TTC29: variants seen among roughly 807,000 people sequenced by gnomAD.
The protein encoded by TTC29 is tetratricopeptide repeat protein 29.
In TTC29, 49 loss-of-function variants were observed where a neutral mutation model predicts 58.1. The ratio of observed to expected loss-of-function variants is 0.84; its 90% CI spans 0.67 to 1.07. The LOEUF is 1.07. Among genes scored for constraint, TTC29 ranks in the 50% least tolerant of loss-of-function variants. The pLI is 0.00. For synonymous variants in TTC29, 209 were observed against 196.8 expected (o/e 1.06, Z -0.52); for missense variants, 582 against 555.6 (o/e 1.05, Z -0.48).
At chr4:146,848,412 C>T (rs1340642981) in intron 8 of TTC29, among the ~76,000 whole-genome samples, 1 of 152,056 alleles carries the variant, frequency 6.6e-6, no homozygotes, top group Non-Finnish European at 1.5e-5. Flanking sequence ...GTTATTATTG[C>T]TATAGGTAGT....
intron 11 of TTC29, among the ~76,000 whole-genome samples, chr4:146,776,607 C>T (rs1294816517): frequency 6.6e-6 from 1 of 152,198 alleles, no homozygotes; most frequent in African/African-American, 2.4e-5. Flanking sequence ...ACTGGACCCC[C>T]AACTTTGTTC....
At chr4:146,796,344 A>T (rs1009067455) in intron 11 of TTC29, among the ~76,000 whole-genome samples, 101 of 152,300 alleles carry the variant, frequency 6.6e-4, no homozygotes, top group African/African-American at 2.4e-3. Context: ...GGAATCATAG[A>T]TTTAAAGAAC....
At chr4:146,859,722 G>T (rs1371800642) in intron 8 of TTC29, among the ~76,000 whole-genome samples, 2 of 152,040 alleles carry the variant, frequency 1.3e-5, no homozygotes, top group Non-Finnish European at 2.9e-5. Flanking sequence ...TGGAATACAG[G>T]GTGGGAGTTT....
intron 5 of TTC29, among the ~76,000 whole-genome samples, chr4:146,907,633 G>A (rs1260187140): frequency 6.6e-6 from 1 of 152,146 alleles, no homozygotes; most frequent in African/African-American, 2.4e-5. Flanking sequence ...GAGTAGCTGG[G>A]ATTACAGGCG....
At chr4:146,907,057 G>A (rs1233292441) in intron 5 of TTC29, among the ~76,000 whole-genome samples, 5 of 152,174 alleles carry the variant, frequency 3.3e-5, no homozygotes, top group Non-Finnish European at 5.9e-5. Context: ...GGAAGAAGGA[G>A]GTTGCAGTGA....
intron 7 of TTC29, among the ~76,000 whole-genome samples, chr4:146,871,030 G>A (rs1472981185): frequency 6.6e-6 from 1 of 151,718 alleles, no homozygotes; most frequent in Non-Finnish European, 1.5e-5. Flanking sequence ...GACATTACAA[G>A]AAAAGAAAAC....
chr4:146,931,640 A>G (rs1735343853), intron 4 of TTC29, among the ~76,000 whole-genome samples: 1 of 152,226 alleles, frequency 6.6e-6, no homozygotes, highest in Non-Finnish European at 1.5e-5. Flanking sequence ...GCTGCTAGTC[A>G]TGATTCCCAT....
At chr4:146,940,037 G>A (rs770305330) in intron 2 of TTC29, 136 bp from the exon 3 acceptor site, 112 of 773,706 alleles carry the variant, frequency 1.4e-4, no homozygotes, top group Non-Finnish European at 2.0e-4. Flanking sequence ...TGTGTTATTC[G>A]GGAATCATGC....
At chr4:146,741,634 C>T (rs997893054) in intron 11 of TTC29, among the ~76,000 whole-genome samples, 1 of 152,134 alleles carries the variant, frequency 6.6e-6, no homozygotes, top group Admixed American at 6.6e-5. Flanking sequence ...TCCAGTTCCT[C>T]CTCTACATTG....
chr4:146,742,172 TTTCCTCAC>T (rs1390076528), intron 11 of TTC29, among the ~76,000 whole-genome samples: 1 of 152,196 alleles, frequency 6.6e-6, no homozygotes, highest in East Asian at 1.9e-4. Flanking sequence ...TGGAGTCTTC[TTTCCTCAC>T]TTCCTTCTTT....
chr4:146,753,485 T>A (rs1259432823), intron 11 of TTC29, among the ~76,000 whole-genome samples: 4 of 152,164 alleles, frequency 2.6e-5, no homozygotes, highest in Non-Finnish European at 4.4e-5. Context: ...ATTGTGGAAT[T>A]CGGTGTGGCG....
In TTC29 at chr4:146,708,328, A is replaced by ACATGTATGTGTGTG. The variant is rs1406643090; in HGVS notation, c.1331-778_1331-777insCACACACATACATG. Among the ~76,000 whole-genome samples the ACATGTATGTGTGTG allele has an allele frequency of 3.3e-3, 158 of 47,528 alleles. 5 individuals carry two copies. Among genetic ancestry groups the ACATGTATGTGTGTG allele is most frequent in the Middle Eastern group, 9.6e-3 (1 of 104 alleles). 31.2% of individuals were successfully genotyped at this position (47,528 alleles called of 152,430 possible). A position where few individuals can be genotyped will look rare whatever the true frequency, so the allele number is the denominator to read the frequency against. ...GAAGTTTATATATATATATATATATATATATATATATATATATATATATAT... is the reference window on the plus strand; with the variant it reads ...GAAGTTTATATATATATATATATATACATGTATGTGTGTGTATATATATATATATATATATATAT... On this transcript the variant is annotated intron_variant, in intron 11 of 12. Coordinates refer to ENST00000325106, the MANE Select transcript of TTC29 (RefSeq NM_031956.4).
intron 8 of TTC29, among the ~76,000 whole-genome samples, chr4:146,851,084 A>G (rs956026530): frequency 3.3e-5 from 5 of 152,248 alleles, no homozygotes; most frequent in Admixed American, 3.3e-4. Flanking sequence ...CAGCTGTGGC[A>G]GCATGAATAG....
intron 7 of TTC29, among the ~76,000 whole-genome samples, chr4:146,873,282 A>G (rs1016635191): frequency 1.3e-5 from 2 of 152,152 alleles, no homozygotes; most frequent in South Asian, 4.1e-4. Flanking sequence ...ACCCTCTTTA[A>G]GAGCTCTGTA....
chr4:146,853,512 T>C (rs1271216406), intron 8 of TTC29, among the ~76,000 whole-genome samples: 1 of 152,190 alleles, frequency 6.6e-6, no homozygotes, highest in African/African-American at 2.4e-5. Context: ...GATATTACTT[T>C]ACATTTACTT....
At chr4:146,746,429 G>C (rs950991315) in intron 11 of TTC29, among the ~76,000 whole-genome samples, 10 of 152,160 alleles carry the variant, frequency 6.6e-5, no homozygotes, top group African/African-American at 2.4e-4. Context: ...TATGATGTTA[G>C]GTATTTGTAT....
chr4:146,863,651 A>T (rs887974146), intron 8 of TTC29, among the ~76,000 whole-genome samples: 1 of 152,302 alleles, frequency 6.6e-6, no homozygotes, highest in Admixed American at 6.5e-5. Flanking sequence ...ATTGTAAGGT[A>T]CTGGCTGCCG....
chr4:146,742,306 C>T (rs1745210684), intron 11 of TTC29, among the ~76,000 whole-genome samples: 1 of 152,116 alleles, frequency 6.6e-6, no homozygotes, highest in African/African-American at 2.4e-5. Flanking sequence ...TGCAAGCCAA[C>T]CACAAGCATT....
chr4:146,913,056 GAC>G (rs1178668064), intron 4 of TTC29, among the ~76,000 whole-genome samples: 2 of 152,076 alleles, frequency 1.3e-5, no homozygotes, highest in African/African-American at 4.8e-5. Context: ...AGCCTGAGGG[GAC>G]CTCCACGTGT....
Sources: gnomAD v4.1 joint callset for allele counts (sites outside exome capture counted in the v4.1 genomes callset) on GRCh38, gnomAD v4.1.1 for gene constraint, MANE v1.5 for transcripts, NCBI Gene and HGNC (gene_info 2026-07-23, HGNC 2026-07-21) for gene names.